The following HABP4 variants were observed in gnomAD, a reference collection of about 807,000 sequenced individuals.
HABP4 encodes intracellular hyaluronan-binding protein 4.
Under a neutral mutation model 44.1 loss-of-function variants are expected in HABP4, and 32 were observed. The ratio of observed to expected loss-of-function variants is 0.73; its 90% CI spans 0.55 to 0.97. The LOEUF (loss-of-function observed/expected upper bound fraction) is 0.97, where lower values mean the gene tolerates loss of function less well. Among genes scored for constraint, HABP4 ranks in the 50% least tolerant of loss-of-function variants. The pLI, the probability that HABP4 is intolerant of heterozygous loss-of-function variation, is 0.00. For missense variants in HABP4, 503 were observed against 561.9 expected (o/e 0.90, Z 1.06); for synonymous variants, 216 against 218.0 (o/e 0.99, Z 0.08).
At chr9:96,467,184 A>G (rs1156599296) in intron 4 of HABP4, among the ~76,000 whole-genome samples, 3 of 152,200 alleles carry the variant, frequency 2.0e-5, no homozygotes, top group Admixed American at 1.3e-4. Flanking sequence ...TGGCCTCCCA[A>G]AGTGCTGGGA....
Position 96,471,086 on chromosome 9 carries a change from TCCAG to T in HABP4, c.823_826del (p.Ala275LysfsTer7). On this transcript the variant is annotated frameshift_variant, in exon 5 of 8. Coordinates refer to ENST00000375249, the MANE Select transcript of HABP4 (RefSeq NM_014282.4). LOFTEE classifies it high-confidence loss of function. The stretch of plus-strand genomic sequence containing the variant: ...CCCAGGGCACCCCGGAAGAGGAGTC[TCCAG>T]CCAAGTAGGGCATTTTGTTCATTCC... The T allele has an allele frequency of 1.3e-6, 2 of 1,543,748 alleles. No individual in the cohort carries two copies. Among genetic ancestry groups the T allele is most frequent in the Non-Finnish European group, 1.8e-6 (2 of 1,115,990 alleles).
intron 2 of HABP4, among the ~76,000 whole-genome samples, chr9:96,463,383 T>A (rs909177476): frequency 6.6e-6 from 1 of 152,144 alleles, no homozygotes; most frequent in African/African-American, 2.4e-5. Flanking sequence ...GTCCCCCAAG[T>A]AGCTGAGATT....
intron 2 of HABP4, among the ~76,000 whole-genome samples, chr9:96,463,055 C>T (rs1049228249): frequency 2.0e-5 from 3 of 150,806 alleles, no homozygotes; most frequent in Non-Finnish European, 3.0e-5. Context: ...GTAATCCTCC[C>T]ACTTCAGCCT....
In HABP4 at chr9:96,450,817, TC is replaced by T. The variant is rs1261516582; in HGVS notation, c.349+191del. Among the ~76,000 whole-genome samples the T allele has an allele frequency of 6.6e-6, 1 of 151,944 alleles. No homozygotes were observed. The highest frequency in any genetic ancestry group is 1.5e-5 in the Non-Finnish European group (1 of 67,992). On this transcript the variant is annotated intron_variant, in intron 1 of 7. Coordinates refer to ENST00000375249, the MANE Select transcript of HABP4 (RefSeq NM_014282.4). The surrounding 1 kb of genome is among the most constrained non-coding windows in gnomAD (Gnocchi z 4.8). ...AGCTCTCGCCAGCCTCGTGCGGGGC[TC>T]CGGGGGAAACGCTGGCTTGGGGTGG...
At chr9:96,451,456 G>C in intron 1 of HABP4, 1 of 984,930 alleles carries the variant, frequency 1.0e-6, no homozygotes, top group Non-Finnish European at 1.2e-6. Flanking sequence ...TGTGTTTCCT[G>C]TTTTCTTGAA....
chr9:96,467,862 T>C (rs934367716), intron 4 of HABP4, among the ~76,000 whole-genome samples: 2 of 152,170 alleles, frequency 1.3e-5, no homozygotes, highest in African/African-American at 2.4e-5. Flanking sequence ...ATTTACCACC[T>C]TATCTAATAC....
Position 96,450,257 on chromosome 9 carries a change from G to A in HABP4, c.-23G>A. On this transcript the variant is annotated 5_prime_UTR_variant, in exon 1 of 8. Coordinates refer to ENST00000375249, the MANE Select transcript of HABP4 (RefSeq NM_014282.4). This position sits in a 1 kb window ranked among gnomAD's most constrained non-coding sequence, Gnocchi z 4.8. ...ACGCGCTCGCGTGGGCTGCCCTCCC[G>A]GGCCCGCAGTGGTCGCGGCGGCATG... 4 of 1,399,010 alleles carry A rather than the reference G, an allele frequency of 2.9e-6. No individual in the cohort carries two copies. The highest frequency in any genetic ancestry group is 2.8e-6 in the Non-Finnish European group (3 of 1,064,456). 86.7% of individuals were successfully genotyped at this position (1,399,010 alleles called of 1,614,324 possible).
Position 96,450,299 on chromosome 9 carries a change from G to A in HABP4, c.20G>A (p.Ser7Asn). 2 of 1,467,144 alleles carry A rather than the reference G, an allele frequency of 1.4e-6. No homozygotes were observed. Among genetic ancestry groups the A allele is most frequent in the East Asian group, 3.1e-5 (1 of 32,750 alleles). 90.9% of individuals were successfully genotyped at this position (1,467,144 alleles called of 1,614,324 possible). Reference sequence around the variant, plus strand: ...GGCGGCATGAAGGGCGCTCTGGGGAGTCCCGTGGCTGCCGCTGGCGCCGCG... The same window carrying A: ...GGCGGCATGAAGGGCGCTCTGGGGAATCCCGTGGCTGCCGCTGGCGCCGCG... MKGALG[S>N]PVAAAGAAMQ... The change falls in exon 1 of 8, where the codon AGT becomes AAT. Residue 7 changes from serine (S) to asparagine (N), a missense_variant. Ser to Asn is a conservative substitution (Grantham distance 46). Around this residue, in one of 3 missense-constraint regions of HABP4, gnomAD observed 290 missense variants for 300.5 expected, o/e 0.97. Coordinates refer to ENST00000375249, the MANE Select transcript of HABP4 (RefSeq NM_014282.4). This position sits in a 1 kb window ranked among gnomAD's most constrained non-coding sequence, Gnocchi z 4.8.
At chr9:96,473,998 T>C (rs1175992888) in intron 5 of HABP4, among the ~76,000 whole-genome samples, 1 of 152,208 alleles carries the variant, frequency 6.6e-6, no homozygotes, top group Non-Finnish European at 1.5e-5. Flanking sequence ...ATAACGTACC[T>C]ACATTATAGG....
chr9:96,481,209 C>T (rs530953596), intron 5 of HABP4, among the ~76,000 whole-genome samples: 15 of 152,076 alleles, frequency 9.9e-5, no homozygotes, highest in African/African-American at 2.7e-4. Context: ...TTCAGCCTCC[C>T]GAGTAGCTGG....
intron 4 of HABP4, among the ~76,000 whole-genome samples, chr9:96,468,340 C>T (rs1221537414): frequency 6.6e-6 from 1 of 151,712 alleles, no homozygotes; most frequent in East Asian, 1.9e-4. Flanking sequence ...TCACTGCAAC[C>T]TCTCCCTCCC....
intron 4 of HABP4, 101 bp from the exon 5 acceptor site, chr9:96,470,910 A>G: frequency 1.4e-6 from 1 of 721,764 alleles, no homozygotes; most frequent in Non-Finnish European, 2.4e-6. Flanking sequence ...AAAAAAAAAA[A>G]CCCAAAAAAC....
At chr9:96,454,734 C>T (rs899029328) in intron 1 of HABP4, among the ~76,000 whole-genome samples, 17 of 152,130 alleles carry the variant, frequency 1.1e-4, no homozygotes, top group Non-Finnish European at 2.1e-4. Flanking sequence ...AGGCATGAGC[C>T]ACCGCGCCTG....
chr9:96,458,993 G>T (rs1564159969), intron 2 of HABP4, among the ~76,000 whole-genome samples: 2 of 152,120 alleles, frequency 1.3e-5, no homozygotes, highest in Non-Finnish European at 2.9e-5. Flanking sequence ...ACTAATTTAT[G>T]TGCAATTCAT....
chr9:96,480,814 C>G (rs1310548337), intron 5 of HABP4, among the ~76,000 whole-genome samples: 1 of 152,208 alleles, frequency 6.6e-6, no homozygotes, highest in Non-Finnish European at 1.5e-5. Flanking sequence ...AATCCAAACT[C>G]CTGTCGAATA....
chr9:96,487,997 A>G, intron 6 of HABP4, 92 bp from the exon 7 acceptor site: 1 of 861,846 alleles, frequency 1.2e-6, no homozygotes, highest in Non-Finnish European at 1.9e-6. Flanking sequence ...ATGGTGTTTT[A>G]GCTCCTGTGT....
Position 96,475,192 on chromosome 9 carries a change from C to T in HABP4, c.827+4098C>T, listed in dbSNP as rs143218235. 4.8e-3 allele frequency among the ~76,000 whole-genome samples: 728 copies of T among 152,060 alleles called. 7 individuals are homozygous for T. Among genetic ancestry groups the T allele is most frequent in the African/African-American group, 0.017 (704 of 41,492 alleles). The stretch of plus-strand genomic sequence containing the variant: ...GAGATCAAGACCATCTTGGCTAACA[C>T]GGTGAAACCCAGTCTCTACTGAAAA... On this transcript the variant is annotated intron_variant, in intron 5 of 7. Transcript: ENST00000375249.
intron 4 of HABP4, 79 bp from the exon 5 acceptor site, chr9:96,470,932 T>G: frequency 2.5e-6 from 2 of 810,240 alleles, no homozygotes; most frequent in East Asian, 2.7e-5. Flanking sequence ...AAAAAAACAA[T>G]GTTTTCTCCT....
At chr9:96,475,985 T>G (rs1209743798) in intron 5 of HABP4, among the ~76,000 whole-genome samples, 1 of 152,256 alleles carries the variant, frequency 6.6e-6, no homozygotes, top group Non-Finnish European at 1.5e-5. Flanking sequence ...TTCACTGCAC[T>G]CTTTCATATA....
Sources: allele counts gnomAD v4.1 joint callset (sites outside exome capture counted in the v4.1 genomes callset), GRCh38; gene constraint gnomAD v4.1.1; regional missense constraint gnomAD v4.1.1; non-coding constraint Gnocchi (gnomAD v3.1); transcripts MANE v1.5; gene names NCBI Gene and HGNC (gene_info 2026-07-23, HGNC 2026-07-21).